Variants in DYM observed in about 807,000 individuals in gnomAD.
DYM encodes the protein dyggve-Melchior-Clausen syndrome protein.
In DYM, 78 loss-of-function variants were observed where a neutral mutation model predicts 93.1. The ratio of observed to expected loss-of-function variants is 0.84; its 90% CI spans 0.70 to 1.01. DYM has a LOEUF of 1.01. DYM is among the 50% of genes least tolerant of loss of function. DYM has a pLI of 0.00. For synonymous variants in DYM, 321 were observed against 319.7 expected (o/e 1.00, Z -0.04); for missense variants, 789 against 845.0 (o/e 0.93, Z 0.82).
At chr18:49,272,733 A>G (rs2094739442) in intron 10 of DYM, among the ~76,000 whole-genome samples, 1 of 152,178 alleles carries the variant, frequency 6.6e-6, no homozygotes, top group South Asian at 2.1e-4. Context: ...ATTTCAAGAA[A>G]TATATTTTAA....
rs1320030600 is a variant in DYM, at chr18:49,333,865, G to A, written c.495-12C>T. The stretch of plus-strand genomic sequence containing the variant: ...CATATGTAATATCTCTAAAATGGAA[G>A]AAAAACAGAGTAACAGTCACTTTGG... On this transcript the variant is annotated splice_polypyrimidine_tract_variant and intron_variant, in intron 6 of 17. Transcript: ENST00000675505. 2 of 1,602,262 alleles carry A rather than the reference G, an allele frequency of 1.2e-6. No homozygotes were observed. Among genetic ancestry groups the A allele is most frequent in the African/African-American group, 1.3e-5 (1 of 74,662 alleles).
chr18:49,138,298 G>A lies in DYM; in HGVS notation c.1729-19372C>T, dbSNP rs554375737. Among the ~76,000 whole-genome samples the A allele has an allele frequency of 9.6e-4, 146 of 152,280 alleles. 1 individual carries two copies. Among genetic ancestry groups the A allele is most frequent in the Middle Eastern group, 6.8e-3 (2 of 294 alleles). ...GTAAATTGGATGAGGAATCAGACATGCTGAACAACAAGAATAAGAAAACTG... is the reference window on the plus strand; with the variant it reads ...GTAAATTGGATGAGGAATCAGACATACTGAACAACAAGAATAAGAAAACTG... On this transcript the variant is annotated intron_variant, in intron 15 of 17. Transcript: ENST00000675505.
chr18:49,403,085 C>A (rs964401373), intron 2 of DYM, among the ~76,000 whole-genome samples: 7 of 152,146 alleles, frequency 4.6e-5, no homozygotes, highest in African/African-American at 1.7e-4. Flanking sequence ...CCAAAACCAA[C>A]AAGAAAACCC....
At chr18:49,356,461 T>C (rs889351616) in intron 6 of DYM, among the ~76,000 whole-genome samples, 1 of 152,174 alleles carries the variant, frequency 6.6e-6, no homozygotes, top group Non-Finnish European at 1.5e-5. Flanking sequence ...TACTGGATGT[T>C]TGCCTTGCAA....
chr18:49,458,852 C>CA (rs947879427), intron 1 of DYM, among the ~76,000 whole-genome samples: 1 of 151,390 alleles, frequency 6.6e-6, no homozygotes, highest in African/African-American at 2.4e-5. Flanking sequence ...CCACCACCAA[C>CA]AAAAAAAAGC....
At chr18:49,099,001 T>C (rs1026375254) in intron 16 of DYM, among the ~76,000 whole-genome samples, 9 of 152,186 alleles carry the variant, frequency 5.9e-5, no homozygotes, top group African/African-American at 2.2e-4. Context: ...TGGTTAACCA[T>C]ATGAAATGCC....
intron 9 of DYM, among the ~76,000 whole-genome samples, chr18:49,282,970 T>C (rs2095028411): frequency 6.6e-6 from 1 of 152,208 alleles, no homozygotes; most frequent in South Asian, 2.1e-4. Context: ...TCAAAATCAG[T>C]ATAGACGTTC....
intron 17 of DYM, among the ~76,000 whole-genome samples, chr18:49,046,376 G>GCACA (rs140520791): frequency 8.6e-6 from 1 of 116,740 alleles, no homozygotes; most frequent in East Asian, 2.5e-4. Context: ...ACACAGACAT[G>GCACA]CACACACACA....
At chr18:49,146,750 T>G (rs147260549) in intron 15 of DYM, among the ~76,000 whole-genome samples, 4 of 152,158 alleles carry the variant, frequency 2.6e-5, no homozygotes, top group African/African-American at 9.7e-5. Flanking sequence ...GAATCAATAT[T>G]GTGATAATGG....
chr18:49,205,994 T>TTTTTTGTTG (rs1244201625), intron 14 of DYM: 2 of 159,424 alleles, frequency 1.3e-5, no homozygotes, highest in East Asian at 2.7e-4. Context: ...AAGGTAGAGT[T>TTTTTTGTTG]TTTTTTTTGT....
chr18:49,431,352 A>G (rs1411979934), intron 1 of DYM, among the ~76,000 whole-genome samples: 1 of 152,228 alleles, frequency 6.6e-6, no homozygotes, highest in African/African-American at 2.4e-5. Context: ...TCATCTGTCT[A>G]TGCCCACTGT....
chr18:49,261,406 C>T (rs1232465718), intron 11 of DYM, among the ~76,000 whole-genome samples: 1 of 152,224 alleles, frequency 6.6e-6, no homozygotes, highest in Non-Finnish European at 1.5e-5. Context: ...CATGGAGGCT[C>T]ACGCCTGTAA....
At chr18:49,132,492 G>T (rs189840621) in intron 15 of DYM, among the ~76,000 whole-genome samples, 1 of 152,006 alleles carries the variant, frequency 6.6e-6, no homozygotes, top group African/African-American at 2.4e-5. Flanking sequence ...AAAGGAGGTT[G>T]GGTTCATATG....
intron 17 of DYM, among the ~76,000 whole-genome samples, chr18:49,090,611 C>G (rs1444526065): frequency 6.6e-6 from 1 of 152,120 alleles, no homozygotes; most frequent in Non-Finnish European, 1.5e-5. Flanking sequence ...CTACATGGAT[C>G]AGGGAAAGTA....
At chr18:49,300,716 G>GA (rs1241994924) in intron 8 of DYM, among the ~76,000 whole-genome samples, 1 of 152,096 alleles carries the variant, frequency 6.6e-6, no homozygotes, top group East Asian at 1.9e-4. Context: ...AATTACAGCA[G>GA]ATGTAATAAA....
chr18:49,104,621 GTGTTGTTGAATTT>G (rs1419046882), intron 16 of DYM, among the ~76,000 whole-genome samples: 2 of 152,178 alleles, frequency 1.3e-5, no homozygotes, highest in Non-Finnish European at 2.9e-5. Flanking sequence ...TTAGCATGAA[GTGTTGTTGAATTT>G]TGTCAAAGGC....
chr18:49,145,365 T>A (rs1053635334), intron 15 of DYM, among the ~76,000 whole-genome samples: 1 of 151,800 alleles, frequency 6.6e-6, no homozygotes, highest in Non-Finnish European at 1.5e-5. Flanking sequence ...CAAATGGATA[T>A]ATATTTAGGT....
chr18:49,104,743 C>A (rs1382843562), intron 16 of DYM, among the ~76,000 whole-genome samples: 2 of 152,236 alleles, frequency 1.3e-5, no homozygotes, highest in Non-Finnish European at 2.9e-5. Context: ...ACCAGCCTTG[C>A]ATCCTAGGGA....
intron 5 of DYM, among the ~76,000 whole-genome samples, chr18:49,369,167 G>T (rs1283399800): frequency 6.6e-6 from 1 of 152,194 alleles, no homozygotes; most frequent in Non-Finnish European, 1.5e-5. Context: ...AAGGGAATAG[G>T]GTGGGTAAAA....
Sources: gnomAD v4.1 joint callset for allele counts (sites outside exome capture counted in the v4.1 genomes callset) on GRCh38, gnomAD v4.1.1 for gene constraint, MANE v1.5 for transcripts, NCBI Gene and HGNC (gene_info 2026-07-23, HGNC 2026-07-21) for gene names.